Variants in VWA3A observed in about 807,000 individuals in gnomAD.
VWA3A encodes von Willebrand factor A domain containing 3A.
A neutral mutation model predicts 160.4 loss-of-function variants in VWA3A; 134 were observed. That is an observed-to-expected ratio of 0.84 (90% CI 0.73 to 0.96). The LOEUF is 0.96. Ranked by LOEUF, VWA3A falls within the 40% of genes least tolerant of loss-of-function variation. The pLI, the probability that VWA3A is intolerant of heterozygous loss-of-function variation, is 0.00. For synonymous variants in VWA3A, 476 were observed against 543.4 expected (o/e 0.88, Z 1.72); for missense variants, 1,310 against 1,447.9 (o/e 0.90, Z 1.55).
chr16:22,150,673 C>G, intron 29 of VWA3A, 22 bp from the exon 30 acceptor site: 2 of 1,595,110 alleles, frequency 1.3e-6, no homozygotes, highest in Non-Finnish European at 8.5e-7. Flanking sequence ...CTGAGCCTGA[C>G]AGCCTTCCTG....
chr16:22,125,150 G>A (rs1214223449), intron 16 of VWA3A, among the ~76,000 whole-genome samples: 2 of 151,612 alleles, frequency 1.3e-5, no homozygotes, highest in East Asian at 2.0e-4. Context: ...GGCCAAGGCA[G>A]GAGGATCACT....
At chr16:22,140,305 G>T in intron 23 of VWA3A, 61 bp downstream of exon 23, 1 of 1,520,242 alleles carries the variant, frequency 6.6e-7, no homozygotes, top group Admixed American at 1.8e-5. Context: ...TGAGGCATGG[G>T]TTAATAATGA....
chr16:22,144,606 T>C (rs963755864), intron 26 of VWA3A, among the ~76,000 whole-genome samples: 1 of 152,008 alleles, frequency 6.6e-6, no homozygotes, highest in East Asian at 1.9e-4. Context: ...GATGAGCTCA[T>C]TGGAATAAGA....
At chr16:22,099,571 GCTAT>G (rs1265987390) in intron 3 of VWA3A, among the ~76,000 whole-genome samples, 4 of 152,308 alleles carry the variant, frequency 2.6e-5, no homozygotes, top group African/African-American at 7.2e-5. Context: ...TGTAATAAGT[GCTAT>G]CTAAGTATTT....
intron 11 of VWA3A, among the ~76,000 whole-genome samples, chr16:22,118,335 C>T (rs888970617): frequency 6.6e-6 from 1 of 151,840 alleles, no homozygotes; most frequent in African/African-American, 2.4e-5. Context: ...CATCCTAGTG[C>T]GTGTAAAGTG....
rs572120042 is a variant in VWA3A, at chr16:22,135,643, G to A, written c.2139+1205G>A. Reference sequence around the variant, plus strand: ...TTAGGTCTGTGTGCTGCACATTCTGGCCTCCTTTGAGTTCCTTAAACACGT... The same window carrying A: ...TTAGGTCTGTGTGCTGCACATTCTGACCTCCTTTGAGTTCCTTAAACACGT... On this transcript the variant is annotated intron_variant, in intron 21 of 33. Transcript: ENST00000389398. Among the ~76,000 whole-genome samples the A allele has an allele frequency of 3.9e-5, 6 of 152,106 alleles. No individual in the cohort carries two copies. In the South Asian group the frequency reaches 1.0e-3, roughly 26 times the overall value.
chr16:22,140,929 A>C (rs1288871323), intron 23 of VWA3A, among the ~76,000 whole-genome samples: 1 of 152,144 alleles, frequency 6.6e-6, no homozygotes, highest in African/African-American at 2.4e-5. Context: ...TTAAAATAAT[A>C]ATCATAATAG....
chr16:22,152,416 G>C, intron 30 of VWA3A, 95 bp from the exon 31 acceptor site: 1 of 1,497,216 alleles, frequency 6.7e-7, no homozygotes, highest in East Asian at 2.4e-5. Context: ...TTTCTCTTAA[G>C]CCCCACGGAC....
At chr16:22,136,664 G>A (rs2046046738) in intron 21 of VWA3A, among the ~76,000 whole-genome samples, 1 of 151,956 alleles carries the variant, frequency 6.6e-6, no homozygotes, top group African/African-American at 2.4e-5. Context: ...TGTGGCCACT[G>A]GATCTGCAGA....
chr16:22,101,160 G>T (rs1269750191), intron 5 of VWA3A, among the ~76,000 whole-genome samples: 10 of 151,934 alleles, frequency 6.6e-5, no homozygotes, highest in Admixed American at 6.6e-4. Flanking sequence ...GAGAGACCAA[G>T]GTGGGAGGAT....
intron 17 of VWA3A, among the ~76,000 whole-genome samples, chr16:22,127,795 T>C (rs1000032270): frequency 7.2e-5 from 11 of 152,206 alleles, no homozygotes; most frequent in African/African-American, 2.7e-4. Context: ...ACTCATGGCC[T>C]AACAGTGGGA....
At chr16:22,115,205 G>T (rs115544590) in intron 8 of VWA3A, 142 bp from the exon 9 acceptor site, 33,896 of 943,512 alleles carry the variant, frequency 0.036, 1,327 homozygotes, top group African/African-American at 0.18. Context: ...GGGCCCAGGA[G>T]TTCGAGGTTA....
At chr16:22,148,025 G>C in intron 27 of VWA3A, 137 bp from the exon 28 acceptor site, 1 of 1,134,880 alleles carries the variant, frequency 8.8e-7, no homozygotes, top group Non-Finnish European at 1.2e-6. Context: ...TCTCTCAGTG[G>C]GGTGACATCC....
rs150662719 is a variant in VWA3A, at chr16:22,149,023, C to T, written c.2984+717C>T. On this transcript the variant is annotated intron_variant, in intron 28 of 33. Coordinates refer to ENST00000389398, the MANE Select transcript of VWA3A (RefSeq NM_173615.5). ...GGGACTCTCATCGTAGACTAGGCCT[C>T]GTTCTTGCCTTAATCAGAGTATACA... Among the ~76,000 whole-genome samples the T allele has an allele frequency of 5.1e-3, 781 of 152,264 alleles. 7 individuals carry two copies. Among genetic ancestry groups the T allele is most frequent in the African/African-American group, 0.018 (747 of 41,560 alleles).
At position 22,092,651 on chromosome 16, in the gene VWA3A, G is replaced by C; in HGVS notation, c.14G>C (p.Arg5Thr). 6.4e-7 allele frequency: 1 copy of C among 1,550,968 alleles called. No homozygotes were observed. Among genetic ancestry groups the C allele is most frequent in the Non-Finnish European group, 8.7e-7 (1 of 1,146,514 alleles). The change falls in exon 1 of 34, where the codon AGG becomes ACG. Residue 5 changes from arginine to threonine, a missense_variant and splice_region_variant. Coordinates refer to ENST00000389398, the MANE Select transcript of VWA3A (RefSeq NM_173615.5). Reference sequence around the variant, plus strand: ...ATGGAGAAATAAATGAAGAAATACAGGTGAGGGTGAGCATCACAAGGGTTG... The same window carrying C: ...ATGGAGAAATAAATGAAGAAATACACGTGAGGGTGAGCATCACAAGGGTTG... Reference protein sequence around the residue: MKKYRKISIGCFAMA... With the variant: MKKYTKISIGCFAMA...
At chr16:22,145,163 T>C (rs2142006871) in intron 26 of VWA3A, among the ~76,000 whole-genome samples, 1 of 152,252 alleles carries the variant, frequency 6.6e-6, no homozygotes, top group East Asian at 1.9e-4. Flanking sequence ...ATTTCTCTCC[T>C]TGCCCTCTTA....
At chr16:22,123,252 C>A in intron 15 of VWA3A, 87 bp downstream of exon 15, 1 of 1,309,638 alleles carries the variant, frequency 7.6e-7, no homozygotes, top group Non-Finnish European at 1.1e-6. Flanking sequence ...GTCACCAAGC[C>A]ATTGACTCAA....
intron 19 of VWA3A, among the ~76,000 whole-genome samples, chr16:22,132,350 C>G (rs907460010): frequency 2.0e-5 from 3 of 151,518 alleles, no homozygotes; most frequent in Non-Finnish European, 2.9e-5. Flanking sequence ...CCATTGCACT[C>G]CAGCCTGGGC....
rs769660951 is a variant in VWA3A, at chr16:22,140,239, C to T, written c.2378C>T (p.Ser793Leu). 1.9e-5 allele frequency: 30 copies of T among 1,613,366 alleles called. No homozygotes were observed. Among genetic ancestry groups the T allele is most frequent in the Non-Finnish European group, 2.5e-5 (29 of 1,179,696 alleles). The change falls in exon 23 of 34, where the codon TCA becomes TTA. Residue 793 changes from serine (S) to leucine (L), a missense_variant. By Grantham distance (145) the Ser-to-Leu change is moderately radical (BLOSUM62 -2). Coordinates refer to ENST00000389398, the MANE Select transcript of VWA3A (RefSeq NM_173615.5). ...WRPLSSRVGI[S>L]PAAAQPTKEG... ...CCACTCAGTAGCAGAGTTGGCATCTCACCAGGTAAGGCACCATCACGGTCA... is the reference window on the plus strand; with the variant it reads ...CCACTCAGTAGCAGAGTTGGCATCTTACCAGGTAAGGCACCATCACGGTCA...
Sources: allele counts gnomAD v4.1 joint callset (sites outside exome capture counted in the v4.1 genomes callset), GRCh38; gene constraint gnomAD v4.1.1; transcripts MANE v1.5; gene names NCBI Gene and HGNC (gene_info 2026-07-23, HGNC 2026-07-21).